SPRED2: variants seen among roughly 807,000 people sequenced by gnomAD.
The protein encoded by SPRED2 is sprouty related EVH1 domain containing 2.
A neutral mutation model predicts 43.0 loss-of-function variants in SPRED2; 47 were observed. The observed-to-expected ratio is 1.09, with a 90% CI of 0.87 to 1.40. The LOEUF (loss-of-function observed/expected upper bound fraction) is 1.40. Ranked by LOEUF, SPRED2 falls within the 40% of genes most tolerant of loss-of-function variation. The probability of loss-of-function intolerance (pLI) is 0.00; values close to 1 mark genes in which losing one functional copy is unlikely to be tolerated. For synonymous variants in SPRED2, 225 were observed against 225.7 expected, an observed-to-expected ratio of 1.00 and a Z score of 0.03; for missense variants, 561 against 586.4, an observed-to-expected ratio of 0.96 and a Z score of 0.45.
intron 4 of SPRED2, among the ~76,000 whole-genome samples, chr2:65,317,808 G>A (rs1463485483): frequency 6.6e-6 from 1 of 152,124 alleles, no homozygotes; most frequent in African/African-American, 2.4e-5. Context: ...ACTTTAAACT[G>A]GAAGTGAGAT....
intron 1 of SPRED2, among the ~76,000 whole-genome samples, chr2:65,358,317 G>A (rs990598602): frequency 1.3e-5 from 2 of 152,152 alleles, no homozygotes; most frequent in Admixed American, 1.3e-4. Context: ...GGTACAACCT[G>A]GTCATCTAGC....
chr2:65,326,723 C>CA (rs1199063891), intron 4 of SPRED2, among the ~76,000 whole-genome samples: 1 of 152,252 alleles, frequency 6.6e-6, no homozygotes, highest in African/African-American at 2.4e-5. Context: ...TGGCTGGTCT[C>CA]AAACTCCTGG....
At chr2:65,316,701 T>A in intron 5 of SPRED2, 33 bp downstream of exon 5, 1 of 1,587,992 alleles carries the variant, frequency 6.3e-7, no homozygotes, top group Non-Finnish European at 8.6e-7. Flanking sequence ...GGCACCACCC[T>A]GATGCCCTCA....
chr2:65,395,497 T>A (rs1675739176), intron 1 of SPRED2, among the ~76,000 whole-genome samples: 1 of 152,154 alleles, frequency 6.6e-6, no homozygotes, highest in South Asian at 2.1e-4. Context: ...CTCACACTCA[T>A]CCATTCCTTT....
Position 65,313,566 on chromosome 2 carries a change from G to A in SPRED2, c.1192C>T (p.Arg398Trp), listed in dbSNP as rs868413766. Residue 398 changes from arginine to tryptophan, a missense_variant, in exon 6 of 6, where the codon CGG (arginine) becomes TGG (tryptophan). Arg to Trp is a moderately radical substitution (Grantham distance 101). Transcript: ENST00000356388. ...ATCACTCCGCAGTGGTAGCAGGCCC[G>A]AAGGGGCAGGTAACAGCACATACAG... ...APCMCCYLPL[R>W]ACYHCGVMCR... 6.2e-7 allele frequency: 1 copy of A among 1,614,054 alleles called. No individual in the cohort carries two copies. Among genetic ancestry groups the A allele is most frequent in the Non-Finnish European group, 8.5e-7 (1 of 1,179,954 alleles).
At chr2:65,420,618 T>C (rs1676400808) in intron 1 of SPRED2, among the ~76,000 whole-genome samples, 1 of 152,256 alleles carries the variant, frequency 6.6e-6, no homozygotes, top group Non-Finnish European at 1.5e-5. Flanking sequence ...GAAACTATTA[T>C]GTTAAAGTGT....
chr2:65,308,981 AC>A (rs1248032923), downstream of SPRED2, among the ~76,000 whole-genome samples: 1 of 151,964 alleles, frequency 6.6e-6, no homozygotes, highest in East Asian at 1.9e-4. Context: ...ACATGGTGAA[AC>A]CCTGTCTCTA....
chr2:65,410,702 TGAGCC>T (rs1676137390), intron 1 of SPRED2, among the ~76,000 whole-genome samples: 1 of 148,352 alleles, frequency 6.7e-6, no homozygotes, highest in South Asian at 2.1e-4. Context: ...GAGCTTGCAG[TGAGCC>T]GAGATGGCGC....
intron 1 of SPRED2, chr2:65,366,483 C>A: frequency 8.5e-7 from 1 of 1,180,942 alleles, no homozygotes. Flanking sequence ...TCCTCTACAA[C>A]TAGGATAAAT....
chr2:65,350,905 C>A, intron 1 of SPRED2, among the ~76,000 whole-genome samples: 1 of 152,360 alleles, frequency 6.6e-6, no homozygotes, highest in East Asian at 1.9e-4. Context: ...AAGTCCCCAG[C>A]CCTCTCAGGA....
intron 1 of SPRED2, among the ~76,000 whole-genome samples, chr2:65,372,157 G>C (rs942963000): frequency 2.0e-5 from 3 of 152,114 alleles, no homozygotes; most frequent in African/African-American, 4.8e-5. Context: ...GTTTCTTTAG[G>C]GAAAGGCAAA....
In SPRED2 at chr2:65,432,138, G is replaced by A; in HGVS notation, c.-151C>T. 1.0e-6 allele frequency: 1 copy of A among 958,586 alleles called. No homozygotes were observed. The highest frequency in any genetic ancestry group is 1.6e-6 in the Non-Finnish European group (1 of 623,610). 59.4% of individuals were successfully genotyped at this position (958,586 alleles called of 1,614,324 possible). On this transcript the variant is annotated 5_prime_UTR_variant, in exon 1 of 6. Transcript: ENST00000356388. Reference sequence around the variant, plus strand: ...ATGAAGAGGGCGCCGCAGCAGAAGGGGAAGCAGGGCGCGGGATAGGGTTTG... The same window carrying A: ...ATGAAGAGGGCGCCGCAGCAGAAGGAGAAGCAGGGCGCGGGATAGGGTTTG...
intron 1 of SPRED2, among the ~76,000 whole-genome samples, chr2:65,387,977 G>A (rs770412672): frequency 2.0e-5 from 3 of 152,092 alleles, no homozygotes; most frequent in Non-Finnish European, 4.4e-5. Flanking sequence ...ATTTTCAGTA[G>A]AGACAGGGTT....
At chr2:65,338,196 GTCTCCC>G (rs779840843) in intron 2 of SPRED2, among the ~76,000 whole-genome samples, 3,664 of 86,208 alleles carry the variant, frequency 0.043, 191 homozygotes, top group African/African-American at 0.079. Flanking sequence ...TCCCTCTCCC[GTCTCCC>G]TCTCCCTCTC....
chr2:65,365,097 A>G (rs2104326323), intron 1 of SPRED2, among the ~76,000 whole-genome samples: 1 of 152,360 alleles, frequency 6.6e-6, no homozygotes, highest in African/African-American at 2.4e-5. Flanking sequence ...AATGTGTACT[A>G]TATATGCATG....
In SPRED2 at chr2:65,386,869, A is replaced by T. The variant is rs530954133; in HGVS notation, c.27-41973T>A. Among the ~76,000 whole-genome samples the T allele has an allele frequency of 1.8e-3, 268 of 152,338 alleles. 1 individual carries two copies. The highest frequency in any genetic ancestry group is 5.5e-3 in the African/African-American group (229 of 41,572). Reference sequence around the variant, plus strand: ...TACCCTAAAACTTAAAGTATAATTTAAAAAAACAACAAAACAAAAAATAAG... The same window carrying T: ...TACCCTAAAACTTAAAGTATAATTTTAAAAAACAACAAAACAAAAAATAAG... On this transcript the variant is annotated intron_variant, in intron 1 of 5. Transcript: ENST00000356388.
intron 1 of SPRED2, among the ~76,000 whole-genome samples, chr2:65,420,209 C>CAAAAAAAAAAAAAAAAAAAAAAAAAAA (rs61448407): frequency 1.3e-5 from 1 of 79,814 alleles, no homozygotes; most frequent in Non-Finnish European, 2.4e-5. Flanking sequence ...GACTCTGTCT[C>CAAAAAAAAAAAAAAAAAAAAAAAAAAA]AAAAAAAAAA....
chr2:65,377,710 G>A (rs1288695664), intron 1 of SPRED2: 7 of 471,242 alleles, frequency 1.5e-5, no homozygotes, highest in South Asian at 1.1e-4. Context: ...GGAAGGCTGT[G>A]TGGGTGTTGG....
chr2:65,349,807 G>A (rs183307354), intron 1 of SPRED2, among the ~76,000 whole-genome samples: 7 of 152,346 alleles, frequency 4.6e-5, no homozygotes, highest in Admixed American at 4.6e-4. Context: ...CTGCCTCGAT[G>A]CCTCCTATCA....
Sources: allele counts gnomAD v4.1 joint callset (sites outside exome capture counted in the v4.1 genomes callset), GRCh38; gene constraint gnomAD v4.1.1; transcripts MANE v1.5; gene names NCBI Gene and HGNC (gene_info 2026-07-23, HGNC 2026-07-21).